DEK: variants seen among roughly 807,000 people sequenced by gnomAD.
The protein encoded by DEK is protein DEK.
Under a neutral mutation model 46.8 loss-of-function variants are expected in DEK, and 28 were observed. That is an observed-to-expected ratio of 0.60 (90% CI 0.44 to 0.82). The LOEUF is 0.82. DEK is among the 40% of genes least tolerant of loss of function. The pLI, the probability that DEK is intolerant of heterozygous loss-of-function variation, is 0.00. For synonymous variants in DEK, 160 were observed against 144.5 expected, an observed-to-expected ratio of 1.11 and a Z score of -0.77; for missense variants, 416 against 430.6, an observed-to-expected ratio of 0.97 and a Z score of 0.30.
At chr6:18,238,493 C>T (rs1790763090) in intron 7 of DEK, among the ~76,000 whole-genome samples, 1 of 151,696 alleles carries the variant, frequency 6.6e-6, no homozygotes, top group Non-Finnish European at 1.5e-5. Context: ...GATCAAGAGA[C>T]TGAGACCATC....
intron 3 of DEK, 40 bp downstream of exon 3, chr6:18,258,263 CA>C: frequency 6.6e-7 from 1 of 1,517,536 alleles, no homozygotes; most frequent in South Asian, 1.2e-5. Flanking sequence ...CAAATTTAGG[CA>C]CTTTCACCAC....
intron 7 of DEK, among the ~76,000 whole-genome samples, chr6:18,246,625 A>T (rs992956700): frequency 6.6e-6 from 1 of 152,242 alleles, no homozygotes; most frequent in Non-Finnish European, 1.5e-5. Context: ...TAAACACCTT[A>T]GTCTTCTACA....
chr6:18,259,425 A>AT lies in DEK; in HGVS notation c.146-1021_146-1020insA, dbSNP rs1215028403. On this transcript the variant is annotated intron_variant, in intron 2 of 10. Coordinates refer to ENST00000652689, the MANE Select transcript of DEK (RefSeq NM_003472.4). The stretch of plus-strand genomic sequence containing the variant: ...AAAAAAAAAAAAAAAAAAAAAAAAA[A>AT]AAAAAAAATCTAGAAAACAGGTAGC... 2.4e-4 allele frequency among the ~76,000 whole-genome samples: 33 copies of AT among 139,224 alleles called. 1 individual carries two copies. The highest frequency in any genetic ancestry group is 4.0e-4 in the Non-Finnish European group (26 of 64,530). 91.3% of individuals were successfully genotyped at this position (139,224 alleles called of 152,430 possible).
chr6:18,229,074 G>A (rs1341753734), intron 9 of DEK, among the ~76,000 whole-genome samples: 1 of 152,128 alleles, frequency 6.6e-6, no homozygotes, highest in Non-Finnish European at 1.5e-5. Context: ...GGATCAGGCA[G>A]GACAGTATTT....
chr6:18,242,870 G>C (rs1403663776), intron 7 of DEK, among the ~76,000 whole-genome samples: 1 of 152,176 alleles, frequency 6.6e-6, no homozygotes, highest in Non-Finnish European at 1.5e-5. Context: ...TCTTCTATAT[G>C]TGAAATTGTG....
chr6:18,261,367 G>A (rs1297529442), intron 2 of DEK, among the ~76,000 whole-genome samples: 1 of 152,216 alleles, frequency 6.6e-6, no homozygotes, highest in Admixed American at 6.5e-5. Context: ...GAGGTCGGGA[G>A]TTTGAGACCA....
chr6:18,245,655 AT>A (rs1791082816), intron 7 of DEK, among the ~76,000 whole-genome samples: 1 of 152,154 alleles, frequency 6.6e-6, no homozygotes. Flanking sequence ...AATATGTACT[AT>A]TTCCCCCTTT....
intron 2 of DEK, among the ~76,000 whole-genome samples, chr6:18,263,339 C>A (rs1791958743): frequency 6.6e-6 from 1 of 152,174 alleles, no homozygotes; most frequent in Non-Finnish European, 1.5e-5. Flanking sequence ...GGGAGGGAAA[C>A]TTTTTGGTAA....
At position 18,263,955 on chromosome 6, in the gene DEK, C is replaced by T. The variant is rs749795151; in HGVS notation, c.33G>A (p.Glu11=). 20 of 1,612,876 alleles carry T rather than the reference C, an allele frequency of 1.2e-5. No individual in the cohort carries two copies. The highest frequency in any genetic ancestry group is 1.7e-5 in the Non-Finnish European group (20 of 1,179,512). The change falls in exon 2 of 11, where the codon GAG becomes GAA. Residue 11 remains glutamate (E), a synonymous_variant. Transcript: ENST00000652689. ...CGGACGCGGGCTGGGTGGGGGTTCC[C>T]TCCCCCTCCGCAGCAGGGGCCGAGG... MSASAPAAEG[E]GTPTQPASEK... is the part of the protein sequence containing the mutation.
intron 2 of DEK, among the ~76,000 whole-genome samples, chr6:18,260,452 AAAATC>A (rs749259785): frequency 5.9e-5 from 9 of 152,190 alleles, no homozygotes; most frequent in Non-Finnish European, 1.0e-4. Flanking sequence ...ATTCAAAAGA[AAAATC>A]ATAATCATCT....
At chr6:18,245,080 T>G (rs1304428993) in intron 7 of DEK, among the ~76,000 whole-genome samples, 1 of 152,228 alleles carries the variant, frequency 6.6e-6, no homozygotes, top group Admixed American at 6.5e-5. Context: ...AGAGCTTCTC[T>G]TGCAGTTAGG....
At chr6:18,235,910 A>T (rs1034688632) in intron 9 of DEK, among the ~76,000 whole-genome samples, 4 of 152,250 alleles carry the variant, frequency 2.6e-5, no homozygotes, top group Non-Finnish European at 5.9e-5. Flanking sequence ...CTTTTGGTAC[A>T]TTCCAAATTG....
intron 2 of DEK, among the ~76,000 whole-genome samples, chr6:18,259,283 T>C (rs2151094657): frequency 6.6e-6 from 1 of 150,588 alleles, no homozygotes; most frequent in African/African-American, 2.4e-5. Flanking sequence ...TAGTCCCAGC[T>C]ACTTGGGAGG....
At chr6:18,230,524 A>T (rs1790367349) in intron 9 of DEK, among the ~76,000 whole-genome samples, 1 of 152,212 alleles carries the variant, frequency 6.6e-6, no homozygotes, top group Non-Finnish European at 1.5e-5. Context: ...AAATGAAGGG[A>T]TGGAGGAAGA....
chr6:18,241,415 A>G (rs970065342), intron 7 of DEK, among the ~76,000 whole-genome samples: 11 of 152,208 alleles, frequency 7.2e-5, no homozygotes, highest in Admixed American at 1.3e-4. Flanking sequence ...AACCCCACTC[A>G]TGATTCTAAA....
chr6:18,237,175 G>GTC (rs146262627), intron 8 of DEK: 5,649 of 441,466 alleles, frequency 0.013, 269 homozygotes, highest in African/African-American at 0.1. Flanking sequence ...CTCTCTCTCT[G>GTC]TCTCTCTCTC....
intron 7 of DEK, among the ~76,000 whole-genome samples, chr6:18,240,159 T>C (rs754982795): frequency 7.9e-5 from 12 of 152,242 alleles, no homozygotes; most frequent in Non-Finnish European, 1.6e-4. Flanking sequence ...TTGTGAGTAG[T>C]GACAGTTTGT....
At chr6:18,263,789 T>C (rs934407357) in intron 2 of DEK, 54 bp downstream of exon 2, 47 of 1,609,368 alleles carry the variant, frequency 2.9e-5, no homozygotes, top group South Asian at 1.3e-4. Context: ...GGGTGAAAAA[T>C]ACAAAAAAAC....
rs1561967862 is a variant in DEK at position 18,224,087 on chromosome 6, A to G, written c.*1632T>C. On this transcript the variant is annotated 3_prime_UTR_variant, in exon 11 of 11. Transcript: ENST00000652689. Reference sequence around the variant, plus strand: ...CCAAATTGTATAGGTTATAGGGCTGAATCAATTTAAAAATCCCTTTTCAGA... The same window carrying G: ...CCAAATTGTATAGGTTATAGGGCTGGATCAATTTAAAAATCCCTTTTCAGA... 6.2e-6 allele frequency: 1 copy of G among 162,346 alleles called. No homozygotes were observed. The highest frequency in any genetic ancestry group is 1.4e-4 in the East Asian group (1 of 7,096). 10.1% of individuals were successfully genotyped at this position (162,346 alleles called of 1,614,324 possible). A position where few individuals can be genotyped will look rare whatever the true frequency, so the allele number is the denominator to read the frequency against.
Sources: gnomAD v4.1 joint callset for allele counts (sites outside exome capture counted in the v4.1 genomes callset) on GRCh38, gnomAD v4.1.1 for gene constraint, MANE v1.5 for transcripts, NCBI Gene and HGNC (gene_info 2026-07-23, HGNC 2026-07-21) for gene names.